Variants in RBM20 observed in about 807,000 individuals in gnomAD.
RBM20 encodes RNA binding motif protein 20.
Under a neutral mutation model 110.1 loss-of-function variants are expected in RBM20, and 51 were observed. The observed-to-expected ratio is 0.46, with a 90% CI of 0.37 to 0.59. RBM20 has a LOEUF of 0.59. RBM20 is among the 20% of genes least tolerant of loss of function. RBM20 has a pLI of 0.00. For missense variants in RBM20, 1,512 were observed against 1,574.9 expected (o/e 0.96, Z 0.68); for synonymous variants, 589 against 618.2 (o/e 0.95, Z 0.70).
At chr10:110,643,309 T>C (rs774460843), upstream of RBM20, among the ~76,000 whole-genome samples, 1 of 148,052 alleles carries the variant, frequency 6.8e-6, no homozygotes, top group Non-Finnish European at 1.5e-5. Flanking sequence ...GGTCTTTCTC[T>C]GCTCCGTAGA....
At chr10:110,680,749 G>C (rs1467004349) in intron 1 of RBM20, among the ~76,000 whole-genome samples, 1 of 152,122 alleles carries the variant, frequency 6.6e-6, no homozygotes, top group African/African-American at 2.4e-5. Context: ...CCCCAGCTTT[G>C]ATGCACCTAT....
rs1023379961 is a variant in RBM20 at position 110,823,651 on chromosome 10, C to G, written c.3451+37C>G. On this transcript the variant is annotated intron_variant, in intron 12 of 13. Coordinates refer to ENST00000369519, the MANE Select transcript of RBM20 (RefSeq NM_001134363.3). ...ACACAGTCTTTCCTGAAATTCAGGT[C>G]TAGGAAATAACAGTTCCATAGCAAC... The G allele has an allele frequency of 2.6e-6, 4 of 1,548,038 alleles. No individual in the cohort carries two copies. The African/African-American group carries it at 5.5e-5, about 21-fold the overall frequency.
Position 110,797,556 on chromosome 10 carries a change from C to T in RBM20, c.1576C>T (p.Pro526Ser). Reference protein sequence around the residue: ...AGRVVHICNLPEGSCTENDVI... With the variant: ...AGRVVHICNLSEGSCTENDVI... Reference sequence around the variant, plus strand: ...CCGTGTGGTGCACATCTGCAATCTCCCTGAAGGAAGCTGCACTGAGAATGA... The same window carrying T: ...CCGTGTGGTGCACATCTGCAATCTCTCTGAAGGAAGCTGCACTGAGAATGA... The change falls in exon 6 of 14, where the codon CCT becomes TCT. Residue 526 changes from proline to serine, a missense_variant. This residue lies in a region of RBM20 where 1,149 missense variants were observed against 1,169.4 expected (regional missense o/e 0.98). Transcript: ENST00000369519. 1.3e-6 allele frequency: 2 copies of T among 1,551,600 alleles called. No individual in the cohort carries two copies. The highest frequency in any genetic ancestry group is 1.7e-6 in the Non-Finnish European group (2 of 1,146,968).
At chr10:110,712,032 A>T (rs1424231544) in intron 1 of RBM20, among the ~76,000 whole-genome samples, 1 of 152,260 alleles carries the variant, frequency 6.6e-6, no homozygotes, top group Non-Finnish European at 1.5e-5. Context: ...TATTAGAATC[A>T]GTAATAGTAA....
Position 110,644,449 on chromosome 10 carries a change from C to A in RBM20, c.-6C>A. 1.3e-6 allele frequency: 2 copies of A among 1,483,346 alleles called. No individual in the cohort carries two copies. The highest frequency in any genetic ancestry group is 1.8e-6 in the Non-Finnish European group (2 of 1,121,630). The allele number at this position is 1,483,346 out of a possible 1,614,324, so 91.9% of individuals were successfully genotyped here. A position where few individuals can be genotyped will look rare whatever the true frequency, so the allele number is the denominator to read the frequency against. ...TCGCCGCGATCCCGGGCGGGTCTCG[C>A]CCCGCATGGTGCTGGCAGCAGCCAT... On this transcript the variant is annotated 5_prime_UTR_variant, in exon 1 of 14. Coordinates refer to ENST00000369519, the MANE Select transcript of RBM20 (RefSeq NM_001134363.3). This position sits in a 1 kb window ranked among gnomAD's most constrained non-coding sequence, Gnocchi z 4.3.
rs1844085417 is a variant in RBM20, at chr10:110,766,437, A to G, written c.192-14364A>G. 2.0e-5 allele frequency among the ~76,000 whole-genome samples: 3 copies of G among 152,110 alleles called. No homozygotes were observed. The South Asian group carries it at 6.2e-4, about 32-fold the overall frequency. ...AGGTCAGCAGATAAACAAGTGAACAAAGGTCTCTGGTTTTCCTAGGCAGAG... is the reference window on the plus strand; with the variant it reads ...AGGTCAGCAGATAAACAAGTGAACAGAGGTCTCTGGTTTTCCTAGGCAGAG... On this transcript the variant is annotated intron_variant, in intron 1 of 13. Transcript: ENST00000369519.
intron 6 of RBM20, among the ~76,000 whole-genome samples, chr10:110,798,139 A>G (rs536880817): frequency 6.6e-6 from 1 of 152,222 alleles, no homozygotes; most frequent in East Asian, 1.9e-4. Context: ...GTGAGAATGG[A>G]TGGATGCTTA....
intron 1 of RBM20, among the ~76,000 whole-genome samples, chr10:110,669,506 A>G (rs1862229577): frequency 6.6e-6 from 1 of 152,366 alleles, no homozygotes; most frequent in Admixed American, 6.5e-5. Flanking sequence ...GCCTTTCAAC[A>G]AAACTTTGGA....
intron 1 of RBM20, among the ~76,000 whole-genome samples, chr10:110,769,077 G>C (rs1210311223): frequency 6.6e-6 from 1 of 152,178 alleles, no homozygotes; most frequent in East Asian, 1.9e-4. Context: ...GTAATTCTTA[G>C]ACTTTGCTGC....
At chr10:110,782,991 A>G (rs1291555501) in intron 2 of RBM20, among the ~76,000 whole-genome samples, 3 of 138,420 alleles carry the variant, frequency 2.2e-5, no homozygotes, top group Non-Finnish European at 3.1e-5. Flanking sequence ...TACCTGCCAG[A>G]TTCTCCCAAC....
intron 9 of RBM20, among the ~76,000 whole-genome samples, chr10:110,816,586 T>C (rs900064440): frequency 6.6e-6 from 1 of 152,162 alleles, no homozygotes; most frequent in African/African-American, 2.4e-5. Flanking sequence ...ATTTACCACC[T>C]TCAAACCTAT....
At chr10:110,650,289 G>A (rs558228425) in intron 1 of RBM20, among the ~76,000 whole-genome samples, 1 of 152,312 alleles carries the variant, frequency 6.6e-6, no homozygotes, top group East Asian at 1.9e-4. Flanking sequence ...AGCTCCTGAT[G>A]GATTTTATAA....
chr10:110,720,653 GCAGCC>G (rs1843494243), intron 1 of RBM20, among the ~76,000 whole-genome samples: 2 of 88,648 alleles, frequency 2.3e-5, no homozygotes, highest in Middle Eastern at 5.4e-3. Flanking sequence ...CCCTGCCCCT[GCAGCC>G]TGATCTCCTA....
intron 9 of RBM20, among the ~76,000 whole-genome samples, chr10:110,817,485 C>G (rs1316341463): frequency 6.6e-6 from 1 of 152,188 alleles, no homozygotes; most frequent in Non-Finnish European, 1.5e-5. Context: ...GCCCCACCCC[C>G]TTCTACCAAT....
intron 1 of RBM20, among the ~76,000 whole-genome samples, chr10:110,696,419 C>T (rs768990959): frequency 2.6e-5 from 4 of 152,198 alleles, no homozygotes; most frequent in Non-Finnish European, 5.9e-5. Context: ...CTCCCCTTTG[C>T]TGATTGCTGG....
intron 1 of RBM20, among the ~76,000 whole-genome samples, chr10:110,647,475 T>A (rs1861885159): frequency 6.6e-6 from 1 of 152,196 alleles, no homozygotes; most frequent in Non-Finnish European, 1.5e-5. Flanking sequence ...ATAAGATTTT[T>A]ATTTTAAATA....
intron 12 of RBM20, among the ~76,000 whole-genome samples, chr10:110,827,379 C>A (rs1044636526): frequency 6.6e-5 from 10 of 151,328 alleles, no homozygotes; most frequent in Admixed American, 1.3e-4. Flanking sequence ...GTGAGTGAGA[C>A]CCTGTCTCAG....
At chr10:110,794,289 G>C (rs574338360) in intron 5 of RBM20, among the ~76,000 whole-genome samples, 2 of 152,262 alleles carry the variant, frequency 1.3e-5, no homozygotes, top group South Asian at 2.1e-4. Context: ...AGATATTTCA[G>C]ATCAATGGCA....
chr10:110,730,460 C>T (rs753688227), intron 1 of RBM20, among the ~76,000 whole-genome samples: 23 of 152,342 alleles, frequency 1.5e-4, no homozygotes, highest in South Asian at 6.2e-4. Flanking sequence ...GAAATGAACA[C>T]GGCTTCAGTC....
Sources: allele counts gnomAD v4.1 joint callset (sites outside exome capture counted in the v4.1 genomes callset), GRCh38; gene constraint gnomAD v4.1.1; regional missense constraint gnomAD v4.1.1; non-coding constraint Gnocchi (gnomAD v3.1); transcripts MANE v1.5; gene names NCBI Gene and HGNC (gene_info 2026-07-23, HGNC 2026-07-21).